RO60: variants seen among roughly 807,000 people sequenced by gnomAD.
The protein encoded by RO60 is RNA-binding protein RO60.
In RO60, 20 loss-of-function variants were observed where a neutral mutation model predicts 55.3. The ratio of observed to expected loss-of-function variants is 0.36; its 90% CI spans 0.25 to 0.53. The LOEUF (loss-of-function observed/expected upper bound fraction) is 0.53. Ranked by LOEUF, RO60 falls within the 20% of genes least tolerant of loss-of-function variation. The pLI is 0.92. For synonymous variants in RO60, 213 were observed against 213.6 expected (o/e 1.00, Z 0.02); for missense variants, 558 against 646.6 (o/e 0.86, Z 1.49).
At chr1:193,068,495 T>C (rs1673265306) in intron 1 of RO60, among the ~76,000 whole-genome samples, 1 of 152,206 alleles carries the variant, frequency 6.6e-6, no homozygotes, top group Non-Finnish European at 1.5e-5. Flanking sequence ...GAAGAATGAA[T>C]GTTAGATAGG....
chr1:193,082,778 T>C (rs1240211594), intron 8 of RO60, 70 bp downstream of exon 8: 1 of 1,382,102 alleles, frequency 7.2e-7, no homozygotes, highest in Non-Finnish European at 9.7e-7. Flanking sequence ...TTTTTTTTTT[T>C]TTTGGAGACA....
chr1:193,078,073 T>G (rs1002323547), intron 5 of RO60, among the ~76,000 whole-genome samples: 2 of 152,180 alleles, frequency 1.3e-5, no homozygotes, highest in African/African-American at 4.8e-5. Flanking sequence ...GTGATATTCA[T>G]CCCTGGCATA....
At chr1:193,084,533 T>A (rs761528151) in intron 8 of RO60, 46 bp from the exon 9 acceptor site, 44 of 1,556,378 alleles carry the variant, frequency 2.8e-5, no homozygotes, top group Admixed American at 2.2e-4. Context: ...ATTTTGCATT[T>A]CCTTACATTT....
In RO60 at chr1:193,085,179, A is replaced by G; in HGVS notation, c.*448A>G. On this transcript the variant is annotated 3_prime_UTR_variant, in exon 9 of 9. Coordinates refer to ENST00000400968, the MANE Select transcript of RO60 (RefSeq NM_001173524.2). ...CACTAGACCATATAACTGTGATGAA[A>G]TATGAAACTCATCTGTAAACTTTTA... 1 of 1,226,580 alleles carries G rather than the reference A, an allele frequency of 8.2e-7. No homozygotes were observed. Among genetic ancestry groups the G allele is most frequent in the Non-Finnish European group, 1.0e-6 (1 of 980,736 alleles). The allele number at this position is 1,226,580 out of a possible 1,614,324, so 76.0% of individuals were successfully genotyped here.
downstream of RO60, chr1:193,091,258 C>T (rs1477036932): frequency 6.0e-6 from 1 of 167,118 alleles, no homozygotes; most frequent in African/African-American, 2.4e-5. Context: ...AACATAAAGA[C>T]TATTGCAATA....
intron 2 of RO60, 60 bp downstream of exon 2, chr1:193,069,694 A>G (rs1159433440): frequency 5.3e-6 from 7 of 1,325,198 alleles, no homozygotes; most frequent in Non-Finnish European, 6.2e-6. Context: ...TAAATAGCAA[A>G]TTTTTATTTA....
chr1:193,086,032 C>T lies in RO60; in HGVS notation c.*1301C>T. On this transcript the variant is annotated 3_prime_UTR_variant, in exon 9 of 9. Coordinates refer to ENST00000400968, the MANE Select transcript of RO60 (RefSeq NM_001173524.2). ...TTATGGCCGTCTAAGGTAGCTTACACATAAAACCTGTTTGCGTATCTGTTG... is the reference window on the plus strand; with the variant it reads ...TTATGGCCGTCTAAGGTAGCTTACATATAAAACCTGTTTGCGTATCTGTTG... The T allele has an allele frequency of 1.0e-6, 1 of 984,906 alleles. No homozygotes were observed. The highest frequency in any genetic ancestry group is 1.2e-6 in the Non-Finnish European group (1 of 829,492). The allele number at this position is 984,906 out of a possible 1,614,324, so 61.0% of individuals were successfully genotyped here.
rs1457374976 is a variant in RO60, at chr1:193,087,197, C to CTA, written c.*2474_*2475dup. 1 of 152,018 alleles carries CTA rather than the reference C, an allele frequency of 6.6e-6. No individual in the cohort carries two copies. Among genetic ancestry groups the CTA allele is most frequent in the Non-Finnish European group, 1.5e-5 (1 of 67,990 alleles). 9.4% of individuals were successfully genotyped at this position (152,018 alleles called of 1,614,324 possible). Reference sequence around the variant, plus strand: ...CCTCAAGCACAATTAACCTGTGTTGCTATATATATCTACATATATAGAGAA... The same window carrying CTA: ...CCTCAAGCACAATTAACCTGTGTTGCTATATATATATCTACATATATAGAGAA... On this transcript the variant is annotated 3_prime_UTR_variant, in exon 9 of 9. Coordinates refer to ENST00000400968, the MANE Select transcript of RO60 (RefSeq NM_001173524.2).
intron 5 of RO60, among the ~76,000 whole-genome samples, chr1:193,079,664 A>T (rs1208694232): frequency 6.6e-6 from 1 of 152,116 alleles, no homozygotes; most frequent in Non-Finnish European, 1.5e-5. Context: ...CAAGACAGTT[A>T]AAAGATAATC....
intron 8 of RO60, among the ~76,000 whole-genome samples, chr1:193,083,422 A>G (rs1200932924): frequency 2.0e-5 from 3 of 152,228 alleles, no homozygotes; most frequent in Admixed American, 2.0e-4. Context: ...AGTATCCTCC[A>G]GTTGAGCTTT....
chr1:193,067,391 T>C (rs2103028199), intron 1 of RO60, among the ~76,000 whole-genome samples: 1 of 152,174 alleles, frequency 6.6e-6, no homozygotes, highest in East Asian at 1.9e-4. Flanking sequence ...GGTTTCACCA[T>C]TTTAGTCAGA....
chr1:193,087,940 G>A lies in RO60; in HGVS notation c.*3209G>A, dbSNP rs868182420. Reference sequence around the variant, plus strand: ...AAAGTCACTATTCTCTACTGAAGAGGGAGAAAAAATATACTCCAAGATCTT... The same window carrying A: ...AAAGTCACTATTCTCTACTGAAGAGAGAGAAAAAATATACTCCAAGATCTT... On this transcript the variant is annotated 3_prime_UTR_variant, in exon 9 of 9. Transcript: ENST00000400968. 1 of 151,644 alleles carries A rather than the reference G, an allele frequency of 6.6e-6. No homozygotes were observed. Among genetic ancestry groups the A allele is most frequent in the Non-Finnish European group, 1.5e-5 (1 of 67,934 alleles). The allele number at this position is 151,644 out of a possible 1,614,324, so 9.4% of individuals were successfully genotyped here.
At chr1:193,072,730 C>T (rs572426972) in intron 2 of RO60, among the ~76,000 whole-genome samples, 36 of 152,302 alleles carry the variant, frequency 2.4e-4, no homozygotes, top group African/African-American at 8.4e-4. Flanking sequence ...AAGTACTAGA[C>T]TAAGAGAAAG....
In RO60 at chr1:193,069,139, G is replaced by C. The variant is rs746979762; in HGVS notation, c.85G>C (p.Asp29His). 3 of 1,614,234 alleles carry C rather than the reference G, an allele frequency of 1.9e-6. No homozygotes were observed. Among genetic ancestry groups the C allele is most frequent in the Admixed American group, 3.3e-5 (2 of 60,028 alleles). Residue 29 changes from aspartate to histidine, a missense_variant, in exon 2 of 9, where the codon GAC (aspartate) becomes CAC (histidine). Physicochemically the swap from Asp to His is moderately conservative, Grantham distance 81 (BLOSUM62 -1). Coordinates refer to ENST00000400968, the MANE Select transcript of RO60 (RefSeq NM_001173524.2). ...GGATGGATATGTATGGCAAGTCACT[G>C]ACATGAATCGACTACACCGGTTCTT... is the stretch of plus-strand genomic sequence containing the variant. ...SQDGYVWQVT[D>H]MNRLHRFLCF...
chr1:193,084,750 T>C lies in RO60; in HGVS notation c.*19T>C. The C allele has an allele frequency of 1.2e-6, 2 of 1,602,790 alleles. No homozygotes were observed. The highest frequency in any genetic ancestry group is 1.7e-6 in the Non-Finnish European group (2 of 1,175,922). On this transcript the variant is annotated 3_prime_UTR_variant, in exon 9 of 9. Transcript: ENST00000400968. Reference sequence around the variant, plus strand: ...GATTTAACCATAAGCAGCAGCACGATCCAGAGATCCATTGCCATCAGTGAT... The same window carrying C: ...GATTTAACCATAAGCAGCAGCACGACCCAGAGATCCATTGCCATCAGTGAT...
Position 193,085,146 on chromosome 1 carries a change from C to G in RO60, c.*415C>G. ...ACAGCTTTGATAATGTCCAAATACT[C>G]TGAAATGCACTAGACCATATAACTG... On this transcript the variant is annotated 3_prime_UTR_variant, in exon 9 of 9. Transcript: ENST00000400968. 1 of 1,377,114 alleles carries G rather than the reference C, an allele frequency of 7.3e-7. No individual in the cohort carries two copies. The highest frequency in any genetic ancestry group is 9.4e-7 in the Non-Finnish European group (1 of 1,064,120). 85.3% of individuals were successfully genotyped at this position (1,377,114 alleles called of 1,614,324 possible). A position where few individuals can be genotyped will look rare whatever the true frequency, so the allele number is the denominator to read the frequency against.
intron 5 of RO60, among the ~76,000 whole-genome samples, chr1:193,080,848 AGG>A (rs1288919655): frequency 3.7e-4 from 56 of 152,334 alleles, no homozygotes; most frequent in African/African-American, 1.2e-3. Context: ...AGAAGTTGCC[AGG>A]GGCTAGGGAG....
intron 8 of RO60, among the ~76,000 whole-genome samples, chr1:193,084,125 T>C (rs912081432): frequency 6.6e-6 from 1 of 152,256 alleles, no homozygotes; most frequent in Non-Finnish European, 1.5e-5. Flanking sequence ...TACATTTAGC[T>C]GTAGAGGACA....
At position 193,090,477 on chromosome 1, in the gene RO60, T is replaced by G. The variant is rs1674816092; in HGVS notation, c.*5746T>G. The G allele has an allele frequency of 6.6e-6, 1 of 151,580 alleles. No individual in the cohort carries two copies. Among genetic ancestry groups the G allele is most frequent in the East Asian group, 1.9e-4 (1 of 5,198 alleles). 9.4% of individuals were successfully genotyped at this position (151,580 alleles called of 1,614,324 possible). A position where few individuals can be genotyped will look rare whatever the true frequency, so the allele number is the denominator to read the frequency against. Reference sequence around the variant, plus strand: ...CTGGTATGGCGTGACTGGGCATAACTTCTGTAATGTATTTCAGTTATATGT... The same window carrying G: ...CTGGTATGGCGTGACTGGGCATAACGTCTGTAATGTATTTCAGTTATATGT... On this transcript the variant is annotated 3_prime_UTR_variant, in exon 9 of 9. Coordinates refer to ENST00000400968, the MANE Select transcript of RO60 (RefSeq NM_001173524.2).
Sources: allele counts gnomAD v4.1 joint callset (sites outside exome capture counted in the v4.1 genomes callset), GRCh38; gene constraint gnomAD v4.1.1; transcripts MANE v1.5; gene names NCBI Gene and HGNC (gene_info 2026-07-23, HGNC 2026-07-21).